The following SGTB variants were observed in gnomAD, a reference collection of about 807,000 sequenced individuals.
SGTB encodes the protein small glutamine rich tetratricopeptide repeat co-chaperone beta, also known as small glutamine-rich tetratricopeptide repeat-containing protein beta.
In SGTB, 19 loss-of-function variants were observed where a neutral mutation model predicts 43.9. The ratio of observed to expected loss-of-function variants is 0.43; its 90% CI spans 0.30 to 0.63. The LOEUF (loss-of-function observed/expected upper bound fraction) is 0.63. Among genes scored for constraint, SGTB ranks in the 30% least tolerant of loss-of-function variants. SGTB has a pLI of 0.12. For synonymous variants in SGTB, 116 were observed against 117.3 expected, an observed-to-expected ratio of 0.99 and a Z score of 0.07; for missense variants, 304 against 358.9, an observed-to-expected ratio of 0.85 and a Z score of 1.24.
chr5:65,721,480 A>C (rs1012145043), intron 1 of SGTB, among the ~76,000 whole-genome samples: 4 of 152,152 alleles, frequency 2.6e-5, no homozygotes, highest in African/African-American at 9.7e-5. Flanking sequence ...GGTCATGTTC[A>C]TTCACATGGA....
chr5:65,712,809 A>G (rs1473739611), intron 3 of SGTB, 152 bp downstream of exon 3: 2 of 463,714 alleles, frequency 4.3e-6, no homozygotes, highest in Non-Finnish European at 7.5e-6. Context: ...GTTATATTTT[A>G]GATACCCAAT....
At chr5:65,702,966 G>A (rs1264213805) in intron 5 of SGTB, among the ~76,000 whole-genome samples, 1 of 152,134 alleles carries the variant, frequency 6.6e-6, no homozygotes, top group Non-Finnish European at 1.5e-5. Flanking sequence ...CCTAGGGAGA[G>A]AATTTTCAAA....
At position 65,681,476 on chromosome 5, in the gene SGTB, G is replaced by A. The variant is rs1011317470; in HGVS notation, c.480-682C>T. 2.7e-4 allele frequency among the ~76,000 whole-genome samples: 41 copies of A among 152,122 alleles called. 1 individual carries two copies. The highest frequency in any genetic ancestry group is 9.2e-4 in the African/African-American group (38 of 41,488). On this transcript the variant is annotated intron_variant, in intron 6 of 10. Coordinates refer to ENST00000381007, the MANE Select transcript of SGTB (RefSeq NM_019072.3). ...TATATATGGTGACATAGTATTAGGGGTTTCTGTTTGTTTTAGGTTTGTTTT... is the reference window on the plus strand; with the variant it reads ...TATATATGGTGACATAGTATTAGGGATTTCTGTTTGTTTTAGGTTTGTTTT...
At chr5:65,705,762 T>C (rs1255524763) in intron 4 of SGTB, among the ~76,000 whole-genome samples, 1 of 151,916 alleles carries the variant, frequency 6.6e-6, no homozygotes, top group Admixed American at 6.6e-5. Flanking sequence ...GTATGATGGC[T>C]CATCCTTGTA....
intron 6 of SGTB, among the ~76,000 whole-genome samples, chr5:65,682,850 G>C (rs899310211): frequency 6.6e-6 from 1 of 152,070 alleles, no homozygotes; most frequent in Admixed American, 6.6e-5. Flanking sequence ...CAGTAGTCCT[G>C]TTCTATAAAG....
rs775739011 is a variant in SGTB, at chr5:65,704,270, C to G, written c.374+9G>C. 18 of 1,581,488 alleles carry G rather than the reference C, an allele frequency of 1.1e-5. No individual in the cohort carries two copies. The highest frequency in any genetic ancestry group is 1.6e-5 in the Non-Finnish European group (18 of 1,160,232). On this transcript the variant is annotated intron_variant, in intron 5 of 10. Coordinates refer to ENST00000381007, the MANE Select transcript of SGTB (RefSeq NM_019072.3). ...GAATTGCAAACCTGCCACAATAGTG[C>G]TAGTTTACCTGTTGCAATAGTAAAC... is the stretch of plus-strand genomic sequence containing the variant.
intron 10 of SGTB, among the ~76,000 whole-genome samples, chr5:65,671,557 T>C (rs760192988): frequency 6.7e-6 from 1 of 150,234 alleles, no homozygotes; most frequent in Non-Finnish European, 1.5e-5. Context: ...TCACCTGCCT[T>C]ATTGAGATGG....
At chr5:65,689,123 T>A (rs982868657) in intron 5 of SGTB, among the ~76,000 whole-genome samples, 1 of 152,226 alleles carries the variant, frequency 6.6e-6, no homozygotes, top group African/African-American at 2.4e-5. Context: ...TAATTGTATT[T>A]CTTTGTTTAG....
At chr5:65,698,631 G>A (rs978163873) in intron 5 of SGTB, among the ~76,000 whole-genome samples, 1 of 152,078 alleles carries the variant, frequency 6.6e-6, no homozygotes, top group Non-Finnish European at 1.5e-5. Flanking sequence ...TTTGCAAACT[G>A]TGCATCCAAC....
intron 4 of SGTB, among the ~76,000 whole-genome samples, chr5:65,705,981 A>G (rs1250811087): frequency 2.0e-5 from 3 of 151,988 alleles, no homozygotes; most frequent in Non-Finnish European, 4.4e-5. Flanking sequence ...GGCTGCAGTG[A>G]TCTGTACTGT....
In SGTB at chr5:65,680,716, A is replaced by G; in HGVS notation, c.558T>C (p.Asn186=). 1 of 1,614,100 alleles carries G rather than the reference A, an allele frequency of 6.2e-7. No individual in the cohort carries two copies. Among genetic ancestry groups the G allele is most frequent in the Middle Eastern group, 1.7e-4 (1 of 6,058 alleles). Residue 186 remains asparagine (N), a synonymous_variant, in exon 7 of 11, where the codon AAT becomes AAC. Coordinates refer to ENST00000381007, the MANE Select transcript of SGTB (RefSeq NM_019072.3). ...TTTTCAGATTTGACTTATAGGAATC[A>G]TTTTCAGGGTCAAGATCTAATGCCT... is the stretch of plus-strand genomic sequence containing the variant. ...YQKALDLDPE[N]DSYKSNLKIA...
chr5:65,670,375 T>C lies in SGTB; in HGVS notation c.804-18A>G, dbSNP rs1418067366. 6 of 1,604,912 alleles carry C rather than the reference T, an allele frequency of 3.7e-6. No homozygotes were observed. The highest frequency in any genetic ancestry group is 3.3e-5 in the South Asian group (3 of 90,794). ...GCTGTCCCCTGTAGTAAAGAGGCAA[T>C]GTGGTTTGAATAGGGAATTGCCAGT... On this transcript the variant is annotated intron_variant, in intron 10 of 10. Transcript: ENST00000381007.
chr5:65,722,809 C>G (rs560756962), upstream of SGTB: 9 of 189,346 alleles, frequency 4.8e-5, no homozygotes, highest in South Asian at 9.2e-4. Flanking sequence ...GTTTGCTCCT[C>G]GCGCCCATTA....
At position 65,670,254 on chromosome 5, in the gene SGTB, G is replaced by C; in HGVS notation, c.907C>G (p.His303Asp). The C allele has an allele frequency of 6.2e-7, 1 of 1,613,858 alleles. No individual in the cohort carries two copies. The highest frequency in any genetic ancestry group is 8.5e-7 in the Non-Finnish European group (1 of 1,179,780). ...TTGAGCCCCTGGTTAAATCAGGAAT[G>C]CTCTTCAGCGCTGCTGCTGAATGAT... ...SRSFSSSAEEHS is the reference protein window; with the variant it reads ...SRSFSSSAEEDS The change falls in exon 11 of 11, where the codon CAT becomes GAT. Residue 303 changes from histidine to aspartate, a missense_variant. By Grantham distance (81) the His-to-Asp change is moderately conservative. Transcript: ENST00000381007.
intron 3 of SGTB, 143 bp downstream of exon 3, chr5:65,712,818 A>G (rs908269821): frequency 2.2e-5 from 11 of 496,468 alleles, no homozygotes; most frequent in African/African-American, 9.8e-5. Flanking sequence ...TAGATACCCA[A>G]TTATATCCAT....
chr5:65,681,149 T>G (rs1757389310), intron 6 of SGTB, among the ~76,000 whole-genome samples: 1 of 152,176 alleles, frequency 6.6e-6, no homozygotes, highest in Non-Finnish European at 1.5e-5. Flanking sequence ...TGTGGTCACA[T>G]AAATCCATGA....
intron 3 of SGTB, among the ~76,000 whole-genome samples, chr5:65,709,297 A>C (rs569818588): frequency 6.6e-6 from 1 of 152,266 alleles, no homozygotes; most frequent in South Asian, 2.1e-4. Context: ...TTATATAAAT[A>C]TGTTCACACA....
intron 2 of SGTB, among the ~76,000 whole-genome samples, chr5:65,716,992 A>C (rs1758164875): frequency 6.6e-6 from 1 of 152,104 alleles, no homozygotes; most frequent in Non-Finnish European, 1.5e-5. Flanking sequence ...TGAGATAAGA[A>C]AGCCAAGAAA....
chr5:65,680,616 T>A (rs763524825), intron 7 of SGTB, 40 bp downstream of exon 7: 3 of 1,613,828 alleles, frequency 1.9e-6, no homozygotes, highest in African/African-American at 2.7e-5. Context: ...AAATTGTGAA[T>A]GACAGAAAAT....
Sources: allele counts gnomAD v4.1 joint callset (sites outside exome capture counted in the v4.1 genomes callset), GRCh38; gene constraint gnomAD v4.1.1; transcripts MANE v1.5; gene names NCBI Gene and HGNC (gene_info 2026-07-23, HGNC 2026-07-21).